RBFOX1: variants seen among roughly 807,000 people sequenced by gnomAD.
RBFOX1 encodes RNA binding fox-1 homolog 1, also known as RNA binding protein fox-1 homolog 1.
RBFOX1 carries 8 observed loss-of-function variants against 57.7 expected under a neutral mutation model. That is an observed-to-expected ratio of 0.14 (90% CI 0.08 to 0.25). RBFOX1 has a LOEUF of 0.25. Among genes scored for constraint, RBFOX1 ranks in the 10% least tolerant of loss-of-function variants. The pLI is 1.00. For missense variants in RBFOX1, 611 were observed against 548.5 expected, an observed-to-expected ratio of 1.11 and a Z score of -1.14; for synonymous variants, 326 against 222.4, an observed-to-expected ratio of 1.47 and a Z score of -4.15.
intron 4 of RBFOX1, chr16:7,304,537 G>A (rs532498967): frequency 1.3e-3 from 1,243 of 985,208 alleles, no homozygotes; most frequent in Non-Finnish European, 1.5e-3. Flanking sequence ...TGGGCCAGAT[G>A]GGTCCCCGCG....
intron 3 of RBFOX1, among the ~76,000 whole-genome samples, chr16:5,635,082 C>G (rs1354570183): frequency 6.6e-6 from 1 of 152,080 alleles, no homozygotes; most frequent in African/African-American, 2.4e-5. Context: ...CTAGCCAGCC[C>G]CAAATGGGAA....
chr16:7,177,969 G>A (rs1016042912), intron 4 of RBFOX1, among the ~76,000 whole-genome samples: 1 of 152,180 alleles, frequency 6.6e-6, no homozygotes, highest in Non-Finnish European at 1.5e-5. Context: ...GACACAACAT[G>A]CTCACGCTCT....
At chr16:6,657,366 C>T (rs1335276566) in intron 3 of RBFOX1, among the ~76,000 whole-genome samples, 2 of 152,134 alleles carry the variant, frequency 1.3e-5, no homozygotes, top group Non-Finnish European at 2.9e-5. Context: ...AGACATTTCT[C>T]TTAATTGAAC....
At chr16:7,379,738 C>T (rs559574989) in intron 4 of RBFOX1, among the ~76,000 whole-genome samples, 54 of 151,838 alleles carry the variant, frequency 3.6e-4, no homozygotes, top group Middle Eastern at 3.4e-3. Context: ...TCCTTTCTGC[C>T]TGCCTGCTTG....
chr16:7,595,575 T>C lies in RBFOX1; in HGVS notation c.495T>C (p.Asn165=), dbSNP rs2094642704. 1 of 1,558,112 alleles carries C rather than the reference T, an allele frequency of 6.4e-7. No individual in the cohort carries two copies. The highest frequency in any genetic ancestry group is 1.4e-5 in the African/African-American group (1 of 73,370). Residue 165 remains asparagine, a synonymous_variant, in exon 8 of 16, where the codon AAT becomes AAC. Coordinates refer to ENST00000550418, the MANE Select transcript of RBFOX1 (RefSeq NM_018723.4). ...SKGFGFVTFE[N]SADADRAREK... is the part of the protein sequence containing the mutation. ...GATTTGGTTTCGTAACTTTCGAAAA[T>C]AGTGCCGATGCGGACAGGGCGAGGG...
At chr16:5,861,905 T>G (rs1597538171) in intron 3 of RBFOX1, among the ~76,000 whole-genome samples, 1 of 152,142 alleles carries the variant, frequency 6.6e-6, no homozygotes, top group African/African-American at 2.4e-5. Flanking sequence ...AGTTAGTCCT[T>G]CTGGTTGCTG....
intron 4 of RBFOX1, among the ~76,000 whole-genome samples, chr16:7,352,964 G>T (rs2097154342): frequency 6.6e-6 from 1 of 151,972 alleles, no homozygotes; most frequent in Non-Finnish European, 1.5e-5. Context: ...GATCTGCTTG[G>T]CTTGGCCTCC....
chr16:5,842,443 T>A (rs2056648663), intron 3 of RBFOX1, among the ~76,000 whole-genome samples: 1 of 152,224 alleles, frequency 6.6e-6, no homozygotes. Context: ...AGTTCCCTCA[T>A]TCATTTGTAG....
chr16:6,961,922 T>C (rs969529748), intron 3 of RBFOX1, among the ~76,000 whole-genome samples: 1 of 152,054 alleles, frequency 6.6e-6, no homozygotes, highest in African/African-American at 2.4e-5. Context: ...GCAGGGTCTT[T>C]ATGAGCTGTG....
intron 2 of RBFOX1, among the ~76,000 whole-genome samples, chr16:6,549,871 A>G (rs2096959548): frequency 6.6e-6 from 1 of 152,030 alleles, no homozygotes; most frequent in South Asian, 2.1e-4. Flanking sequence ...TAGTAGAGAG[A>G]CCTTCTCATG....
Position 5,384,049 on chromosome 16 carries a change from C to G in RBFOX1, c.220-83167C>G, listed in dbSNP as rs560336130. 1.2e-4 allele frequency among the ~76,000 whole-genome samples: 19 copies of G among 152,326 alleles called. No homozygotes were observed. In the East Asian group the frequency reaches 3.5e-3, roughly 28 times the overall value. ...ATCAGGCGCTCAGCTTCCCAGCTCC[C>G]AGCTCTAAGTCCTGCAGAAATGAGT... On this transcript the variant is annotated intron_variant, in intron 1 of 2. Coordinates refer to the RBFOX1 transcript ENST00000585867.
chr16:5,448,000 C>T (rs1453205394), intron 1 of RBFOX1, among the ~76,000 whole-genome samples: 1 of 152,116 alleles, frequency 6.6e-6, no homozygotes, highest in African/African-American at 2.4e-5. Context: ...CTCTCACTTC[C>T]TGTTTAATTA....
chr16:5,396,217 C>T (rs1377841010), intron 1 of RBFOX1, among the ~76,000 whole-genome samples: 1 of 152,192 alleles, frequency 6.6e-6, no homozygotes, highest in African/African-American at 2.4e-5. Flanking sequence ...TGAAACAAGG[C>T]ATCTGAAATG....
intron 4 of RBFOX1, among the ~76,000 whole-genome samples, chr16:5,965,955 C>T (rs962183278): frequency 6.6e-5 from 10 of 152,298 alleles, no homozygotes; most frequent in East Asian, 3.9e-4. Context: ...ATCCACCTGG[C>T]TGTGAAATGT....
intron 2 of RBFOX1, among the ~76,000 whole-genome samples, chr16:6,562,880 C>CTTTCTTTCTTTCTTTTT: frequency 3.9e-5 from 2 of 51,776 alleles, no homozygotes; most frequent in Non-Finnish European, 7.9e-5. Flanking sequence ...TTCTTTCTTT[C>CTTTCTTTCTTTCTTTTT]TTTTTTTTTT....
chr16:6,843,938 C>G (rs1479664728), intron 3 of RBFOX1, among the ~76,000 whole-genome samples: 1 of 152,140 alleles, frequency 6.6e-6, no homozygotes, highest in African/African-American at 2.4e-5. Flanking sequence ...TCCACTGTCT[C>G]ATGGAAATCA....
At chr16:6,837,613 G>A (rs1364470080) in intron 3 of RBFOX1, among the ~76,000 whole-genome samples, 1 of 152,136 alleles carries the variant, frequency 6.6e-6, no homozygotes, top group South Asian at 2.1e-4. Flanking sequence ...GTGCAATCTT[G>A]GGCAAGTCGC....
At chr16:7,592,289 A>G (rs2094482644) in intron 7 of RBFOX1, among the ~76,000 whole-genome samples, 2 of 152,162 alleles carry the variant, frequency 1.3e-5, no homozygotes. Context: ...AGATGAGGCT[A>G]TTTCCTTTTT....
At chr16:6,493,406 G>C (rs1172217792) in intron 2 of RBFOX1, among the ~76,000 whole-genome samples, 3 of 152,066 alleles carry the variant, frequency 2.0e-5, no homozygotes, top group African/African-American at 7.2e-5. Flanking sequence ...TTCATCGCCG[G>C]TACTGCAAAA....
Sources: gnomAD v4.1 joint callset for allele counts (sites outside exome capture counted in the v4.1 genomes callset) on GRCh38, gnomAD v4.1.1 for gene constraint, MANE v1.5 for transcripts, NCBI Gene and HGNC (gene_info 2026-07-23, HGNC 2026-07-21) for gene names.